Variants in MID2 observed in about 807,000 individuals in gnomAD.
The protein encoded by MID2 is probable E3 ubiquitin-protein ligase MID2.
MID2 carries 13 observed loss-of-function variants against 46.1 expected under a neutral mutation model. That is an observed-to-expected ratio of 0.28 (90% CI 0.18 to 0.45). The LOEUF is 0.45. Ranked by LOEUF, MID2 falls within the 20% of genes least tolerant of loss-of-function variation. The pLI is 1.00. For missense variants in MID2, 431 were observed against 575.4 expected (o/e 0.75, Z 2.57); for synonymous variants, 199 against 212.3 (o/e 0.94, Z 0.55).
chrX:107,930,631 G>A lies in MID2; in HGVS notation c.*3558G>A, dbSNP rs1031134108. 8.9e-6 allele frequency among the ~76,000 whole-genome samples: 1 copy of A among 111,949 alleles called. No homozygotes were observed. The highest frequency in any genetic ancestry group is 1.9e-5 in the Non-Finnish European group (1 of 53,117). ...GTGACAAAGTACTTAGTGGGGGTGC[G>A]ATGGGCCCCAGATATTTACTTCAGT... On this transcript the variant is annotated 3_prime_UTR_variant, in exon 10 of 10. Transcript: ENST00000262843.
At chrX:107,871,816 C>T (rs1247283713) in intron 3 of MID2, among the ~76,000 whole-genome samples, 1 of 111,285 alleles carries the variant, frequency 9.0e-6, no homozygotes, top group Non-Finnish European at 1.9e-5. Context: ...CCCCAATGTC[C>T]AGCTGCTTCT....
intron 7 of MID2, among the ~76,000 whole-genome samples, chrX:107,924,014 A>AT (rs776000964): frequency 8.9e-6 from 1 of 112,137 alleles, no homozygotes; most frequent in South Asian, 3.8e-4. Flanking sequence ...TGGAGTAAAT[A>AT]TCCAGAGACT....
rs1298096983 is a variant in MID2, at chrX:107,905,526, T to C, written c.973T>C (p.Cys325Arg). Reference sequence around the variant, plus strand: ...ACAGCAGGTTGCTAATTGCCGCCAGTGTCTTGAACGGTCAACAGTCCTCAT... The same window carrying C: ...ACAGCAGGTTGCTAATTGCCGCCAGCGTCTTGAACGGTCAACAGTCCTCAT... The part of the protein sequence containing the change: ...LAQQVANCRQ[C>R]LERSTVLINQ... Residue 325 changes from cysteine (C) to arginine (R), a missense_variant, in exon 5 of 10, where the codon TGT becomes CGT. Cys to Arg is a radical substitution (Grantham distance 180). Coordinates refer to ENST00000262843, the MANE Select transcript of MID2 (RefSeq NM_012216.4). 1 of 1,207,473 alleles carries C rather than the reference T, an allele frequency of 8.3e-7. No individual in the cohort carries two copies. The highest frequency in any genetic ancestry group is 1.7e-5 in the African/African-American group (1 of 57,718).
chrX:107,924,254 G>T, intron 7 of MID2, 89 bp from the exon 8 acceptor site: 1 of 896,334 alleles, frequency 1.1e-6, no homozygotes, highest in Non-Finnish European at 1.6e-6. Flanking sequence ...TCACTTTTGA[G>T]GGGGTGGCTT....
At position 107,924,399 on chromosome X, in the gene MID2, T is replaced by C; in HGVS notation, c.1492T>C (p.Tyr498His). Residue 498 changes from tyrosine (Y) to histidine (H), a missense_variant, in exon 8 of 10, where the codon TAC (tyrosine) becomes CAC (histidine). Physicochemically the swap from Tyr to His is moderately conservative, Grantham distance 83. Transcript: ENST00000262843. Reference sequence around the variant, plus strand: ...TGTTCCCAACATTAAACAGAACCATTACACAGTGCATGGACTCCAGAGCGG... The same window carrying C: ...TGTTCCCAACATTAAACAGAACCATCACACAGTGCATGGACTCCAGAGCGG... Reference protein sequence around the residue: ...MIVPNIKQNHYTVHGLQSGTR... With the variant: ...MIVPNIKQNHHTVHGLQSGTR... The C allele has an allele frequency of 8.3e-7, 1 of 1,209,733 alleles. No individual in the cohort carries two copies. The highest frequency in any genetic ancestry group is 1.1e-6 in the Non-Finnish European group (1 of 893,694).
At chrX:107,890,285 G>C (rs1043935202) in intron 3 of MID2, among the ~76,000 whole-genome samples, 3 of 112,035 alleles carry the variant, frequency 2.7e-5, no homozygotes, top group African/African-American at 9.7e-5. Flanking sequence ...GTGACGTACA[G>C]ATGGGGTTTT....
At chrX:107,918,712 T>C (rs1312029720) in intron 7 of MID2, among the ~76,000 whole-genome samples, 3 of 111,814 alleles carry the variant, frequency 2.7e-5, no homozygotes. Flanking sequence ...TGGGTGTTTC[T>C]TCAGATTGTG....
Position 107,926,078 on chromosome X carries a change from T to TC in MID2, c.1598-15dup, listed in dbSNP as rs757378362. ...CATAGTGCTTTTTCTTTTTTTTTTT[T>TC]CTACTTATTTTTCAGGCCAACCCTT... On this transcript the variant is annotated splice_polypyrimidine_tract_variant and intron_variant, in intron 8 of 9. Transcript: ENST00000262843. The TC allele has an allele frequency of 2.6e-5, 30 of 1,137,038 alleles. No homozygotes were observed. Among genetic ancestry groups the TC allele is most frequent in the Non-Finnish European group, 3.3e-5 (28 of 845,373 alleles). The allele number at this position is 1,137,038 out of a possible 1,213,427, so 93.7% of individuals were successfully genotyped here.
At chrX:107,886,445 T>G (rs1229959064) in intron 3 of MID2, among the ~76,000 whole-genome samples, 3 of 112,007 alleles carry the variant, frequency 2.7e-5, no homozygotes, top group Non-Finnish European at 5.6e-5. Flanking sequence ...ATATGCGGCA[T>G]TATTTCTGAG....
chrX:107,926,161 G>C lies in MID2; in HGVS notation c.1665G>C (p.Gln555His). Residue 555 changes from glutamine (Q) to histidine (H), a missense_variant, in exon 9 of 10, where the codon CAG (glutamine) becomes CAC (histidine). Physicochemically the swap from Gln to His is conservative, Grantham distance 24 (BLOSUM62 0). Coordinates refer to ENST00000262843, the MANE Select transcript of MID2 (RefSeq NM_012216.4). ...KKLKISNDGL[Q>H]MEKDESSLKK... ...TGAAGATCTCCAATGATGGATTGCA[G>C]ATGGAGAAGGATGAAAGCTCTCTAA... The C allele has an allele frequency of 8.3e-7, 1 of 1,207,849 alleles. No homozygotes were observed. Among genetic ancestry groups the C allele is most frequent in the Non-Finnish European group, 1.1e-6 (1 of 892,791 alleles).
intron 3 of MID2, among the ~76,000 whole-genome samples, chrX:107,892,311 C>T (rs1197910631): frequency 8.9e-6 from 1 of 112,080 alleles, no homozygotes; most frequent in African/African-American, 3.2e-5. Flanking sequence ...AATCAGGAAA[C>T]CTGGGTTCTG....
At chrX:107,886,346 G>A (rs1244575209) in intron 3 of MID2, among the ~76,000 whole-genome samples, 1 of 111,947 alleles carries the variant, frequency 8.9e-6, no homozygotes, top group African/African-American at 3.3e-5. Flanking sequence ...CCTATGGCTA[G>A]CCAGTTTTCC....
chrX:107,880,020 C>A (rs1932286515), intron 3 of MID2, among the ~76,000 whole-genome samples: 1 of 108,050 alleles, frequency 9.3e-6, no homozygotes, highest in Non-Finnish European at 1.9e-5. Flanking sequence ...CTCTTGTCTG[C>A]TGCCCAGATA....
At chrX:107,914,310 A>G (rs1413496156) in intron 5 of MID2, among the ~76,000 whole-genome samples, 4 of 112,157 alleles carry the variant, frequency 3.6e-5, no homozygotes, top group Non-Finnish European at 7.5e-5. Flanking sequence ...AAGAAATTCC[A>G]TGAGCTAATT....
intron 2 of MID2, among the ~76,000 whole-genome samples, chrX:107,850,990 C>T (rs1931599334): frequency 8.9e-6 from 1 of 112,330 alleles, no homozygotes; most frequent in Non-Finnish European, 1.9e-5. Context: ...ACACAAATTT[C>T]TAATATTGTA....
At chrX:107,857,470 G>C (rs962094998) in intron 3 of MID2, among the ~76,000 whole-genome samples, 1 of 111,559 alleles carries the variant, frequency 9.0e-6, no homozygotes, top group Non-Finnish European at 1.9e-5. Flanking sequence ...TAGTAGAGAC[G>C]CGGTTTCACC....
At chrX:107,887,157 T>G (rs1331101607) in intron 3 of MID2, among the ~76,000 whole-genome samples, 1 of 111,612 alleles carries the variant, frequency 9.0e-6, no homozygotes, top group Non-Finnish European at 1.9e-5. Flanking sequence ...CTTCCAACAC[T>G]GTGTTGAATA....
Position 107,917,536 on chromosome X carries a change from T to C in MID2, c.1232T>C (p.Leu411Pro). ...APNPPSIREE[L>P]CTASHDTITV... ...AACCCACCATCTATCCGAGAAGAAC[T>C]CTGTACTGCCTCCCATGACACCATT... is the stretch of plus-strand genomic sequence containing the variant. Residue 411 changes from leucine (L) to proline (P), a missense_variant, in exon 7 of 10, where the codon CTC becomes CCC. By Grantham distance (98) the Leu-to-Pro change is moderately conservative (BLOSUM62 -3). Transcript: ENST00000262843. The C allele has an allele frequency of 8.3e-7, 1 of 1,211,098 alleles. No individual in the cohort carries two copies. Among genetic ancestry groups the C allele is most frequent in the Non-Finnish European group, 1.1e-6 (1 of 894,997 alleles).
chrX:107,925,513 C>A (rs1447526734), intron 8 of MID2, among the ~76,000 whole-genome samples: 1 of 111,688 alleles, frequency 9.0e-6, no homozygotes, highest in Non-Finnish European at 1.9e-5. Flanking sequence ...AACAAAATTG[C>A]CTAATTATAT....
Sources: gnomAD v4.1 joint callset for allele counts (sites outside exome capture counted in the v4.1 genomes callset) on GRCh38, gnomAD v4.1.1 for gene constraint, MANE v1.5 for transcripts, NCBI Gene and HGNC (gene_info 2026-07-23, HGNC 2026-07-21) for gene names.